The following ADA variants were observed in gnomAD, a reference collection of about 807,000 sequenced individuals.
ADA encodes the protein adenosine aminohydrolase.
A neutral mutation model predicts 49.0 loss-of-function variants in ADA; 45 were observed. That is an observed-to-expected ratio of 0.92 (90% CI 0.72 to 1.18). The LOEUF (loss-of-function observed/expected upper bound fraction) is 1.18. ADA is among the 50% of genes most tolerant of loss of function. ADA has a pLI of 0.00. For missense variants in ADA, 445 were observed against 472.5 expected (o/e 0.94, Z 0.54); for synonymous variants, 173 against 184.2 (o/e 0.94, Z 0.49).
intron 2 of ADA, chr20:44,635,973 G>T: frequency 1.8e-6 from 1 of 543,486 alleles, no homozygotes; most frequent in Non-Finnish European, 3.3e-6. Context: ...GGGAGAGCAG[G>T]CTCAGGCCTG....
intron 3 of ADA, among the ~76,000 whole-genome samples, chr20:44,627,748 AG>A (rs1374664087): frequency 6.6e-6 from 1 of 152,194 alleles, no homozygotes; most frequent in Non-Finnish European, 1.5e-5. Flanking sequence ...ATGAGAGAAA[AG>A]GACACAGCTG....
chr20:44,626,334 G>C, intron 4 of ADA, 122 bp downstream of exon 4: 1 of 1,408,306 alleles, frequency 7.1e-7, no homozygotes, highest in Non-Finnish European at 9.9e-7. Context: ...CCATGGACCA[G>C]ACTGGGGGCA....
At chr20:44,627,206 G>C (rs113093932) in intron 3 of ADA, among the ~76,000 whole-genome samples, 10,325 of 147,732 alleles carry the variant, frequency 0.07, 394 homozygotes, top group African/African-American at 0.093. Context: ...TTTTGAGACA[G>C]AATCTTGCTC....
chr20:44,632,353 T>G (rs941173546), intron 2 of ADA, among the ~76,000 whole-genome samples: 1 of 152,068 alleles, frequency 6.6e-6, no homozygotes, highest in Admixed American at 6.6e-5. Flanking sequence ...CTGAAAGCAC[T>G]GGGAAGGCAC....
intron 6 of ADA, 69 bp from the exon 7 acceptor site, chr20:44,623,147 G>A: frequency 6.2e-7 from 1 of 1,606,310 alleles, no homozygotes. Flanking sequence ...CCTTGACCAT[G>A]CTGTGGAGAT....
At chr20:44,645,111 G>A (rs1418305201) in intron 1 of ADA, among the ~76,000 whole-genome samples, 1 of 152,086 alleles carries the variant, frequency 6.6e-6, no homozygotes, top group Non-Finnish European at 1.5e-5. Context: ...GGCCAGGTGC[G>A]GTGGCTCACT....
Position 44,633,817 on chromosome 20 carries a change from G to A in ADA, c.95+2410C>T, listed in dbSNP as rs538854167. ...GGAACTGGAGGAAGGAGAAATGGGTGAGGACAGTTAATGAGGCAGGCCTGA... is the reference window on the plus strand; with the variant it reads ...GGAACTGGAGGAAGGAGAAATGGGTAAGGACAGTTAATGAGGCAGGCCTGA... On this transcript the variant is annotated intron_variant, in intron 2 of 11. Transcript: ENST00000372874. 3.9e-5 allele frequency among the ~76,000 whole-genome samples: 6 copies of A among 152,366 alleles called. No homozygotes were observed. In the East Asian group the frequency reaches 1.2e-3, roughly 29 times the overall value.
chr20:44,632,034 G>C (rs1055601741), intron 2 of ADA, among the ~76,000 whole-genome samples: 1 of 152,158 alleles, frequency 6.6e-6, no homozygotes, highest in African/African-American at 2.4e-5. Flanking sequence ...AAATTATTTT[G>C]CTTTCTATTT....
intron 1 of ADA, among the ~76,000 whole-genome samples, chr20:44,650,912 C>G (rs1275825797): frequency 6.6e-6 from 1 of 152,210 alleles, no homozygotes; most frequent in Non-Finnish European, 1.5e-5. Flanking sequence ...AGTCCCAAGA[C>G]GCCACAGCTG....
At position 44,629,093 on chromosome 20, in the gene ADA, G is replaced by A; in HGVS notation, c.172C>T (p.Leu58Phe). Residue 58 changes from leucine (L) to phenylalanine (F), a missense_variant, in exon 3 of 12, where the codon CTT (leucine) becomes TTT (phenylalanine). By Grantham distance (22) the Leu-to-Phe change is conservative (BLOSUM62 0). Transcript: ENST00000372874. ...NVIGMDKPLT[L>F]PDFLAKFDYY... is the part of the protein sequence containing the mutation. ...TCAAACTTGGCCAGGAAGTCTGGAAGGGTGAGCGGCTTGTCCATGCCAATG... is the reference window on the plus strand; with the variant it reads ...TCAAACTTGGCCAGGAAGTCTGGAAAGGTGAGCGGCTTGTCCATGCCAATG... 1 of 1,614,234 alleles carries A rather than the reference G, an allele frequency of 6.2e-7. No homozygotes were observed. Among genetic ancestry groups the A allele is most frequent in the South Asian group, 1.1e-5 (1 of 91,088 alleles).
chr20:44,644,216 C>T (rs1375441997), intron 1 of ADA, among the ~76,000 whole-genome samples: 4 of 151,898 alleles, frequency 2.6e-5, no homozygotes, highest in Non-Finnish European at 5.9e-5. Flanking sequence ...ACACATCGCT[C>T]TGTTTTGTTT....
chr20:44,635,418 C>T (rs930465566), intron 2 of ADA, among the ~76,000 whole-genome samples: 3 of 152,096 alleles, frequency 2.0e-5, no homozygotes, highest in African/African-American at 7.2e-5. Flanking sequence ...TTTGTGTGAC[C>T]GTGGACAACT....
chr20:44,644,164 T>C (rs1206841961), intron 1 of ADA, among the ~76,000 whole-genome samples: 1 of 12,004 alleles, frequency 8.3e-5, no homozygotes, highest in Non-Finnish European at 1.8e-4. Flanking sequence ...ACCTTGGAGG[T>C]AGACGCCCTG....
intron 1 of ADA, among the ~76,000 whole-genome samples, chr20:44,650,090 A>G (rs1261759155): frequency 6.6e-6 from 1 of 152,232 alleles, no homozygotes; most frequent in Non-Finnish European, 1.5e-5. Flanking sequence ...GTGGGTCCCC[A>G]GCCCAAGGGC....
chr20:44,625,033 G>A (rs1050695279), intron 5 of ADA, among the ~76,000 whole-genome samples: 20 of 152,238 alleles, frequency 1.3e-4, no homozygotes, highest in Admixed American at 1.2e-3. Context: ...GAGGAATGAA[G>A]TAAGTGTGAT....
intron 9 of ADA, 119 bp from the exon 10 acceptor site, chr20:44,621,266 C>CTGTT: frequency 3.0e-6 from 4 of 1,323,772 alleles, no homozygotes; most frequent in Non-Finnish European, 4.3e-6. Flanking sequence ...TCTGAAAGAT[C>CTGTT]TGATCCTTGT....
rs774527652 is a variant in ADA at position 44,623,110 on chromosome 20, C to G, written c.607-32G>C. On this transcript the variant is annotated intron_variant, in intron 6 of 11. Transcript: ENST00000372874. ...GGGGGAGAGCCAGGTCATGGGTGCCCTAGCGGGAGGGCCCCGGCAGGCCCT... is the reference window on the plus strand; with the variant it reads ...GGGGGAGAGCCAGGTCATGGGTGCCGTAGCGGGAGGGCCCCGGCAGGCCCT... 3.7e-6 allele frequency: 6 copies of G among 1,613,192 alleles called. No individual in the cohort carries two copies. The South Asian group carries it at 6.6e-5, about 18-fold the overall frequency.
chr20:44,630,804 C>T (rs1358679525), intron 2 of ADA, among the ~76,000 whole-genome samples: 1 of 152,194 alleles, frequency 6.6e-6, no homozygotes, highest in Non-Finnish European at 1.5e-5. Context: ...TGGCGGATCA[C>T]TTAAGCCCAG....
Position 44,643,996 on chromosome 20 carries a change from C to A in ADA, c.33+7579G>T, listed in dbSNP as rs58116673. 3.0e-4 allele frequency among the ~76,000 whole-genome samples: 45 copies of A among 151,694 alleles called. No homozygotes were observed. The East Asian group carries it at 3.2e-3, about 11-fold the overall frequency. ...TCGGTGGCAGAGCTACCATGAGGAC[C>A]CAGGTCTTGGACTCCTGGGACAGAT... is the stretch of plus-strand genomic sequence containing the variant. On this transcript the variant is annotated intron_variant, in intron 1 of 11. Coordinates refer to ENST00000372874, the MANE Select transcript of ADA (RefSeq NM_000022.4).
Sources: allele counts gnomAD v4.1 joint callset (sites outside exome capture counted in the v4.1 genomes callset), GRCh38; gene constraint gnomAD v4.1.1; transcripts MANE v1.5; gene names NCBI Gene and HGNC (gene_info 2026-07-23, HGNC 2026-07-21).